PRKN: variants seen among roughly 807,000 people sequenced by gnomAD.
The protein encoded by PRKN is E3 ubiquitin-protein ligase parkin.
PRKN carries 56 observed loss-of-function variants against 59.5 expected under a neutral mutation model. The observed-to-expected ratio is 0.94, with a 90% CI of 0.76 to 1.18. The LOEUF (loss-of-function observed/expected upper bound fraction) is 1.18, where lower values mean the gene tolerates loss of function less well. PRKN is among the 50% of genes most tolerant of loss of function. PRKN has a pLI of 0.00. For synonymous variants in PRKN, 250 were observed against 222.1 expected, an observed-to-expected ratio of 1.13 and a Z score of -1.12; for missense variants, 657 against 596.4, an observed-to-expected ratio of 1.10 and a Z score of -1.06.
chr6:161,608,172 A>C (rs1782353699), intron 7 of PRKN, among the ~76,000 whole-genome samples: 1 of 152,096 alleles, frequency 6.6e-6, no homozygotes, highest in Non-Finnish European at 1.5e-5. Context: ...CTCCAATTGG[A>C]AAAATTGGGG....
intron 5 of PRKN, among the ~76,000 whole-genome samples, chr6:161,978,754 G>A (rs1254129157): frequency 6.6e-6 from 1 of 152,268 alleles, no homozygotes; most frequent in Non-Finnish European, 1.5e-5. Context: ...CAGCTGTGCT[G>A]AGCGACAGTG....
chr6:161,902,122 G>A (rs186713059), intron 6 of PRKN, among the ~76,000 whole-genome samples: 1 of 152,236 alleles, frequency 6.6e-6, no homozygotes, highest in East Asian at 1.9e-4. Flanking sequence ...AAAAATAGGA[G>A]AACAGGGGTT....
At chr6:162,272,421 T>C (rs1780436714) in intron 2 of PRKN, among the ~76,000 whole-genome samples, 2 of 152,158 alleles carry the variant, frequency 1.3e-5, no homozygotes, top group African/African-American at 2.4e-5. Context: ...TTAAAATATA[T>C]ATATTTTATT....
chr6:162,193,302 AT>A (rs912214670), intron 4 of PRKN, among the ~76,000 whole-genome samples: 2 of 152,230 alleles, frequency 1.3e-5, no homozygotes, highest in Non-Finnish European at 2.9e-5. Flanking sequence ...GTAACAACGA[AT>A]TGGCTAAAAT....
intron 1 of PRKN, among the ~76,000 whole-genome samples, chr6:162,517,484 C>T (rs9365456): frequency 0.19 from 28,152 of 151,694 alleles, 3,262 homozygotes; most frequent in East Asian, 0.5. Context: ...TCTCGATCTC[C>T]TGACCTTGTG....
intron 4 of PRKN, among the ~76,000 whole-genome samples, chr6:162,193,226 C>G (rs1336378306): frequency 6.6e-6 from 1 of 152,286 alleles, no homozygotes; most frequent in East Asian, 1.9e-4. Context: ...TAAATAAAAT[C>G]TTAATTCTAA....
chr6:162,466,195 C>A (rs1290096076), intron 1 of PRKN, among the ~76,000 whole-genome samples: 1 of 152,180 alleles, frequency 6.6e-6, no homozygotes, highest in Non-Finnish European at 1.5e-5. Flanking sequence ...GAGGCAATAG[C>A]TGTGATAAAT....
chr6:162,291,763 A>G (rs557327914), intron 2 of PRKN, among the ~76,000 whole-genome samples: 1 of 152,212 alleles, frequency 6.6e-6, no homozygotes, highest in South Asian at 2.1e-4. Flanking sequence ...ATTCACCGCT[A>G]CGACAACAAT....
At chr6:162,421,007 G>A (rs1042820103) in intron 2 of PRKN, among the ~76,000 whole-genome samples, 1 of 152,196 alleles carries the variant, frequency 6.6e-6, no homozygotes, top group Admixed American at 6.5e-5. Flanking sequence ...CCCAAGAGAA[G>A]CTAGCATTGA....
intron 7 of PRKN, among the ~76,000 whole-genome samples, chr6:161,767,700 A>G (rs1454767214): frequency 7.2e-6 from 1 of 138,798 alleles, no homozygotes; most frequent in Non-Finnish European, 1.5e-5. Context: ...CTGTTTAGGT[A>G]TTTGTAACTA....
intron 1 of PRKN, among the ~76,000 whole-genome samples, chr6:162,669,850 A>G (rs1407527995): frequency 2.6e-5 from 4 of 152,226 alleles, no homozygotes; most frequent in African/African-American, 9.6e-5. Flanking sequence ...GAGGGATGGC[A>G]TATTTGGCAT....
intron 2 of PRKN, among the ~76,000 whole-genome samples, chr6:162,414,782 G>A (rs994892353): frequency 4.7e-5 from 7 of 147,688 alleles, no homozygotes; most frequent in Non-Finnish European, 7.4e-5. Flanking sequence ...AAAATAATCA[G>A]AATGGAAAGT....
At chr6:161,778,223 C>G (rs918071197) in intron 7 of PRKN, among the ~76,000 whole-genome samples, 7 of 152,046 alleles carry the variant, frequency 4.6e-5, no homozygotes, top group Non-Finnish European at 1.0e-4. Flanking sequence ...TTGTGGTGAT[C>G]AAAGTCCTTT....
chr6:162,255,341 T>C (rs1779598907), intron 3 of PRKN, among the ~76,000 whole-genome samples: 2 of 152,164 alleles, frequency 1.3e-5, no homozygotes, highest in Non-Finnish European at 2.9e-5. Flanking sequence ...GCACTTGGTA[T>C]ATTCCAGGCC....
chr6:162,230,902 ATCT>A (rs1251602625), intron 3 of PRKN, among the ~76,000 whole-genome samples: 3 of 152,242 alleles, frequency 2.0e-5, no homozygotes, highest in African/African-American at 7.2e-5. Flanking sequence ...TAGCTTTCTG[ATCT>A]TCTTTCTATC....
chr6:162,463,064 G>A (rs1339448121), intron 1 of PRKN, among the ~76,000 whole-genome samples: 4 of 150,532 alleles, frequency 2.7e-5, no homozygotes, highest in South Asian at 2.1e-4. Context: ...GTGAGACTCC[G>A]TCTCAAAAAA....
chr6:162,627,867 C>G (rs1782956476), intron 1 of PRKN, among the ~76,000 whole-genome samples: 1 of 151,946 alleles, frequency 6.6e-6, no homozygotes, highest in African/African-American at 2.4e-5. Flanking sequence ...GAGGCCAGGT[C>G]AAGAGTCTAA....
intron 2 of PRKN, among the ~76,000 whole-genome samples, chr6:162,279,647 G>A (rs1383570460): frequency 1.3e-5 from 2 of 152,068 alleles, no homozygotes; most frequent in Non-Finnish European, 2.9e-5. Context: ...GTGCTGAGAA[G>A]AATGATTTGG....
chr6:161,685,275 G>A (rs1005648405), intron 7 of PRKN, among the ~76,000 whole-genome samples: 12 of 152,134 alleles, frequency 7.9e-5, no homozygotes, highest in Admixed American at 6.5e-5. Flanking sequence ...GGCCACAAAC[G>A]TTCTGCTCAC....
Sources: allele counts gnomAD v4.1 joint callset (sites outside exome capture counted in the v4.1 genomes callset), GRCh38; gene constraint gnomAD v4.1.1; transcripts MANE v1.5; gene names NCBI Gene and HGNC (gene_info 2026-07-23, HGNC 2026-07-21).